Variants in MAD1L1 observed in about 807,000 individuals in gnomAD.
The protein encoded by MAD1L1 is mitotic arrest deficient 1 like 1.
In MAD1L1, 95 loss-of-function variants were observed where a neutral mutation model predicts 96.9. The ratio of observed to expected loss-of-function variants is 0.98; its 90% CI spans 0.83 to 1.16. The LOEUF is 1.16. Ranked by LOEUF, MAD1L1 falls within the 50% of genes most tolerant of loss-of-function variation. The probability of loss-of-function intolerance (pLI) is 0.00; values close to 1 mark genes in which losing one functional copy is unlikely to be tolerated. For synonymous variants in MAD1L1, 473 were observed against 396.6 expected (o/e 1.19, Z -2.29); for missense variants, 1,007 against 954.4 (o/e 1.06, Z -0.73).
At chr7:2,020,705 A>G (rs1467193806) in intron 12 of MAD1L1, among the ~76,000 whole-genome samples, 1 of 152,114 alleles carries the variant, frequency 6.6e-6, no homozygotes, top group African/African-American at 2.4e-5. Context: ...AGTTAAAAAC[A>G]CACACAAGAC....
chr7:1,858,990 T>C (rs1040422040), intron 18 of MAD1L1, among the ~76,000 whole-genome samples: 4 of 152,004 alleles, frequency 2.6e-5, no homozygotes, highest in Admixed American at 2.6e-4. Context: ...AGCTCAGATC[T>C]GGGGGGCGTC....
At chr7:2,040,815 A>G (rs1193348966) in intron 12 of MAD1L1, among the ~76,000 whole-genome samples, 1 of 152,182 alleles carries the variant, frequency 6.6e-6, no homozygotes, top group Non-Finnish European at 1.5e-5. Context: ...TCTTCATTAT[A>G]CTTAACAGAA....
intron 14 of MAD1L1, among the ~76,000 whole-genome samples, chr7:1,987,262 G>A (rs1316034054): frequency 6.6e-6 from 1 of 152,216 alleles, no homozygotes; most frequent in Non-Finnish European, 1.5e-5. Flanking sequence ...ACGTTCCCTG[G>A]AGGAGACGTG....
intron 11 of MAD1L1, among the ~76,000 whole-genome samples, chr7:2,086,195 G>A (rs1053304526): frequency 6.6e-6 from 1 of 152,230 alleles, no homozygotes; most frequent in African/African-American, 2.4e-5. Flanking sequence ...GGCCCAGTGA[G>A]GACAAGATGC....
At chr7:1,990,692 G>A (rs115966717) in intron 14 of MAD1L1, among the ~76,000 whole-genome samples, 7,010 of 152,302 alleles carry the variant, frequency 0.046, 480 homozygotes, top group African/African-American at 0.15. Context: ...GGGCTGCAGC[G>A]TGCCCAGGGC....
intron 3 of MAD1L1, among the ~76,000 whole-genome samples, chr7:2,227,487 G>GGCTGGCA (rs1273699578): frequency 6.6e-6 from 1 of 151,778 alleles, no homozygotes; most frequent in Non-Finnish European, 1.5e-5. Flanking sequence ...GCTGGCTGGC[G>GGCTGGCA]TCCAGGGGGT....
At chr7:1,890,893 C>T (rs1786495681) in intron 18 of MAD1L1, among the ~76,000 whole-genome samples, 1 of 152,256 alleles carries the variant, frequency 6.6e-6, no homozygotes, top group Non-Finnish European at 1.5e-5. Flanking sequence ...AGGTGCACAG[C>T]CTTCCTGTCT....
intron 10 of MAD1L1, among the ~76,000 whole-genome samples, chr7:2,204,377 T>C (rs1792480409): frequency 6.6e-6 from 1 of 152,198 alleles, no homozygotes; most frequent in East Asian, 1.9e-4. Context: ...ACAAGAGCAG[T>C]GTCATGAGCT....
At chr7:2,199,150 C>T (rs1792150594) in intron 10 of MAD1L1, among the ~76,000 whole-genome samples, 1 of 152,242 alleles carries the variant, frequency 6.6e-6, no homozygotes, top group South Asian at 2.1e-4. Flanking sequence ...CAGATCCCTG[C>T]CAAAATGGCA....
chr7:2,230,314 T>G, intron 2 of MAD1L1, 171 bp from the exon 3 acceptor site: 1 of 531,642 alleles, frequency 1.9e-6, no homozygotes, highest in Non-Finnish European at 3.4e-6. Flanking sequence ...ATGCTGCCAA[T>G]TTACCAGACA....
intron 11 of MAD1L1, chr7:2,079,985 T>A: frequency 3.1e-6 from 1 of 324,802 alleles, no homozygotes; most frequent in African/African-American, 2.2e-5. Flanking sequence ...TCTCCCGAGG[T>A]CAGAGAGAAG....
chr7:1,821,956 G>A (rs1782146618), intron 18 of MAD1L1, among the ~76,000 whole-genome samples: 1 of 152,108 alleles, frequency 6.6e-6, no homozygotes, highest in Non-Finnish European at 1.5e-5. Context: ...CAGCAGCATA[G>A]GGATTGGAAA....
At chr7:1,971,936 G>C (rs1370066030) in intron 15 of MAD1L1, among the ~76,000 whole-genome samples, 1 of 152,158 alleles carries the variant, frequency 6.6e-6, no homozygotes, top group African/African-American at 2.4e-5. Context: ...ACAGAATGAA[G>C]ACCTCATCAC....
intron 15 of MAD1L1, among the ~76,000 whole-genome samples, chr7:1,978,963 A>G (rs543719670): frequency 6.6e-6 from 1 of 152,252 alleles, no homozygotes; most frequent in Non-Finnish European, 1.5e-5. Flanking sequence ...CAGCCCATGC[A>G]TGAGGAATGC....
intron 12 of MAD1L1, among the ~76,000 whole-genome samples, chr7:2,047,961 C>A (rs1784002638): frequency 6.6e-6 from 1 of 152,236 alleles, no homozygotes; most frequent in Admixed American, 6.5e-5. Flanking sequence ...CACACGTGCA[C>A]ACTCACATGA....
In MAD1L1 at chr7:1,871,145, C is replaced by T. The variant is rs538736960; in HGVS notation, c.1998+27055G>A. Among the ~76,000 whole-genome samples, 13 of 145,672 alleles carry T rather than the reference C, an allele frequency of 8.9e-5. No homozygotes were observed. In the South Asian group the frequency reaches 1.4e-3, roughly 15 times the overall value. ...CACTGAACCCAACATACGCCTGCCA[C>T]GCTGAACCGACCATAACACCTGCCG... On this transcript the variant is annotated intron_variant, in intron 18 of 18. Transcript: ENST00000265854.
intron 12 of MAD1L1, among the ~76,000 whole-genome samples, chr7:2,018,012 G>C (rs985523851): frequency 9.9e-5 from 15 of 152,070 alleles, no homozygotes; most frequent in African/African-American, 3.6e-4. Flanking sequence ...CCACAGGAGC[G>C]GGAGACTGCA....
At chr7:1,887,861 A>ACGAGTGTGTGTGGCTGCCTGGG (rs1786205708) in intron 18 of MAD1L1, among the ~76,000 whole-genome samples, 1 of 132,146 alleles carries the variant, frequency 7.6e-6, no homozygotes, top group Non-Finnish European at 1.6e-5. Context: ...GTGTGTGTGC[A>ACGAGTGTGTGTGGCTGCCTGGG]CGTGTGTGTG....
intron 10 of MAD1L1, among the ~76,000 whole-genome samples, chr7:2,168,867 A>G (rs1221695194): frequency 6.6e-6 from 1 of 152,212 alleles, no homozygotes; most frequent in Non-Finnish European, 1.5e-5. Flanking sequence ...CGAGTGTGCT[A>G]AGGAGCCAGG....
Sources: allele counts gnomAD v4.1 joint callset (sites outside exome capture counted in the v4.1 genomes callset), GRCh38; gene constraint gnomAD v4.1.1; transcripts MANE v1.5; gene names NCBI Gene and HGNC (gene_info 2026-07-23, HGNC 2026-07-21).